AIM2: variants seen among roughly 807,000 people sequenced by gnomAD.
AIM2 encodes the protein interferon-inducible protein AIM2.
In AIM2, 30 loss-of-function variants were observed where a neutral mutation model predicts 27.7. That is an observed-to-expected ratio of 1.08 (90% CI 0.81 to 1.47). AIM2 has a LOEUF of 1.47. AIM2 is among the 40% of genes most tolerant of loss of function. The pLI, the probability that AIM2 is intolerant of heterozygous loss-of-function variation, is 0.00. For missense variants in AIM2, 358 were observed against 411.3 expected (o/e 0.87, Z 1.12); for synonymous variants, 141 against 145.3 (o/e 0.97, Z 0.21).
At chr1:159,112,669 T>C (rs1021381432) in intron 1 of AIM2, among the ~76,000 whole-genome samples, 1 of 152,144 alleles carries the variant, frequency 6.6e-6, no homozygotes, top group Non-Finnish European at 1.5e-5. Flanking sequence ...TGAATCTAAT[T>C]TGTTCCCTAA....
intron 1 of AIM2, among the ~76,000 whole-genome samples, chr1:159,126,098 C>G (rs1200869407): frequency 6.6e-6 from 1 of 152,202 alleles, no homozygotes; most frequent in African/African-American, 2.4e-5. Context: ...CTGCCTCTAA[C>G]TTGAATCTCT....
chr1:159,136,914 G>C (rs1008649350), intron 1 of AIM2, among the ~76,000 whole-genome samples: 1 of 152,144 alleles, frequency 6.6e-6, no homozygotes, highest in African/African-American at 2.4e-5. Context: ...TCCACCTCTG[G>C]TGGTACAGCA....
intron 2 of AIM2, among the ~76,000 whole-genome samples, chr1:159,072,778 G>A (rs918551905): frequency 6.6e-6 from 1 of 152,212 alleles, no homozygotes; most frequent in African/African-American, 2.4e-5. Context: ...GGGACAAGGA[G>A]AGGAATAGAC....
chr1:159,099,280 C>T (rs1046111694), intron 1 of AIM2, among the ~76,000 whole-genome samples: 2 of 152,140 alleles, frequency 1.3e-5, no homozygotes, highest in African/African-American at 4.8e-5. Flanking sequence ...ATTGAAAGGA[C>T]AGTCAGAGAG....
intron 1 of AIM2, among the ~76,000 whole-genome samples, chr1:159,118,000 AC>A (rs1647426927): frequency 6.6e-6 from 1 of 152,088 alleles, no homozygotes; most frequent in Non-Finnish European, 1.5e-5. Context: ...ATGATATTTA[AC>A]CACTAACTAC....
At chr1:159,107,728 A>G (rs572396147) in intron 1 of AIM2, among the ~76,000 whole-genome samples, 1 of 152,350 alleles carries the variant, frequency 6.6e-6, no homozygotes, top group African/African-American at 2.4e-5. Flanking sequence ...AGATATTACA[A>G]CAGACACCAC....
At chr1:159,141,569 G>A (rs1648110479), upstream of AIM2, among the ~76,000 whole-genome samples, 1 of 152,078 alleles carries the variant, frequency 6.6e-6, no homozygotes, top group African/African-American at 2.4e-5. Flanking sequence ...TATCAACCTA[G>A]CATGACAGTA....
At chr1:159,097,404 C>T (rs1657201866) in intron 1 of AIM2, among the ~76,000 whole-genome samples, 1 of 152,064 alleles carries the variant, frequency 6.6e-6, no homozygotes, top group Non-Finnish European at 1.5e-5. Flanking sequence ...CCTTCCAGTC[C>T]CCTCACCTCC....
intron 1 of AIM2, among the ~76,000 whole-genome samples, chr1:159,090,105 C>T (rs1360624288): frequency 6.6e-6 from 1 of 152,202 alleles, no homozygotes; most frequent in South Asian, 2.1e-4. Context: ...GCCATCCCAG[C>T]TCTAGGGTTC....
At chr1:159,059,443 A>T (rs1005081276), downstream of AIM2, among the ~76,000 whole-genome samples, 1 of 152,186 alleles carries the variant, frequency 6.6e-6, no homozygotes, top group Non-Finnish European at 1.5e-5. Context: ...AAGTGGTCAA[A>T]ATCACAGTAT....
intron 1 of AIM2, among the ~76,000 whole-genome samples, chr1:159,082,562 C>T (rs972812044): frequency 6.6e-6 from 1 of 152,050 alleles, no homozygotes; most frequent in Non-Finnish European, 1.5e-5. Context: ...AAGTCCTGGA[C>T]AGCAGGTGTG....
intron 1 of AIM2, among the ~76,000 whole-genome samples, chr1:159,075,118 A>G (rs1363136517): frequency 2.6e-5 from 4 of 152,198 alleles, no homozygotes; most frequent in Admixed American, 6.5e-5. Flanking sequence ...GAACTAATAA[A>G]TAGAGTGTGG....
At chr1:159,114,527 G>C (rs946402676) in intron 1 of AIM2, among the ~76,000 whole-genome samples, 33 of 152,164 alleles carry the variant, frequency 2.2e-4, no homozygotes, top group African/African-American at 8.0e-4. Context: ...GACCAGCCTG[G>C]CCACCATGGC....
At chr1:159,125,371 TAAC>T (rs1647658160) in intron 1 of AIM2, among the ~76,000 whole-genome samples, 2 of 152,208 alleles carry the variant, frequency 1.3e-5, no homozygotes, top group South Asian at 2.1e-4. Context: ...GAGACAAACA[TAAC>T]AACATTTCTC....
chr1:159,109,810 T>G (rs1657527470), intron 1 of AIM2, among the ~76,000 whole-genome samples: 1 of 152,104 alleles, frequency 6.6e-6, no homozygotes, highest in Non-Finnish European at 1.5e-5. Flanking sequence ...GAAAAAATGC[T>G]CAGCACCACT....
At position 159,073,317 on chromosome 1, in the gene AIM2, T is replaced by C. The variant is rs775914585; in HGVS notation, c.183A>G (p.Ala61=). The change falls in exon 2 of 6, where the codon GCA becomes GCG. Residue 61 remains alanine, a synonymous_variant. Coordinates refer to ENST00000368130, the MANE Select transcript of AIM2 (RefSeq NM_004833.3). ...GAAAAATACGAATGGTCTTCATCAC[T>C]GCAGACACCGCCCCAGCATTTTGAA... ...LMIQNAGAVS[A]VMKTIRIFQK... 2 of 1,614,214 alleles carry C rather than the reference T, an allele frequency of 1.2e-6. No individual in the cohort carries two copies. Among genetic ancestry groups the C allele is most frequent in the Non-Finnish European group, 8.5e-7 (1 of 1,180,030 alleles).
intron 1 of AIM2, among the ~76,000 whole-genome samples, chr1:159,075,897 C>A (rs1424280177): frequency 6.6e-6 from 1 of 152,024 alleles, no homozygotes; most frequent in Non-Finnish European, 1.5e-5. Context: ...GCTTGAATAC[C>A]CCCATCAGTA....
chr1:159,106,378 T>C (rs574671958), intron 1 of AIM2, among the ~76,000 whole-genome samples: 38 of 152,350 alleles, frequency 2.5e-4, no homozygotes, highest in African/African-American at 8.9e-4. Context: ...TGCTATCACA[T>C]GTAAGTGTGT....
At chr1:159,143,974 C>A (rs1648160232), upstream of AIM2, among the ~76,000 whole-genome samples, 1 of 152,186 alleles carries the variant, frequency 6.6e-6, no homozygotes. Context: ...CACACAAAGG[C>A]TATAACCCTG....
Sources: gnomAD v4.1 joint callset for allele counts (sites outside exome capture counted in the v4.1 genomes callset) on GRCh38, gnomAD v4.1.1 for gene constraint, MANE v1.5 for transcripts, NCBI Gene and HGNC (gene_info 2026-07-23, HGNC 2026-07-21) for gene names.